CNNM1: variants seen among roughly 807,000 people sequenced by gnomAD.
CNNM1 encodes cyclin and CBS domain divalent metal cation transport mediator 1, also known as metal transporter CNNM1.
A neutral mutation model predicts 78.8 loss-of-function variants in CNNM1; 44 were observed. That is an observed-to-expected ratio of 0.56 (90% confidence interval 0.44 to 0.72). The LOEUF (loss-of-function observed/expected upper bound fraction) is 0.72. Ranked by LOEUF, CNNM1 falls within the 30% of genes least tolerant of loss-of-function variation. The probability of loss-of-function intolerance (pLI) is 0.00; values close to 1 mark genes in which losing one functional copy is unlikely to be tolerated. For synonymous variants in CNNM1, 584 were observed against 581.5 expected (o/e 1.00, Z -0.06); for missense variants, 1,101 against 1,292.2 (o/e 0.85, Z 2.27).
chr10:99,330,487 C>A lies in CNNM1; in HGVS notation c.1100C>A (p.Ala367Glu). Reference protein sequence around the residue: ...HSVCLTRLLMAAAFPVCYPLG... With the variant: ...HSVCLTRLLMEAAFPVCYPLG... ...GTGTGCCTGACCCGGCTTCTGATGG[C>A]AGCCGCCTTCCCCGTGTGCTACCCG... The change falls in exon 1 of 11, where the codon GCA becomes GAA. Residue 367 changes from alanine (A) to glutamate (E), a missense_variant. Coordinates refer to ENST00000356713, the MANE Select transcript of CNNM1 (RefSeq NM_020348.3). The A allele has an allele frequency of 6.3e-7, 1 of 1,583,668 alleles. No individual in the cohort carries two copies. The highest frequency in any genetic ancestry group is 1.8e-5 in the Admixed American group (1 of 55,016).
Position 99,387,981 on chromosome 10 carries a change from C to T in CNNM1, c.2502C>T (p.Leu834=). ...AGGATGACCCCGCCATCACGCTCCT[C>T]AACAACAGGAACAGCCTGCCGTGTA... ...TPKDDPAITL[L]NNRNSLPCSR... The change falls in exon 8 of 11, where the codon CTC becomes CTT. Residue 834 remains leucine (L), a synonymous_variant. Transcript: ENST00000356713. The T allele has an allele frequency of 6.3e-7, 1 of 1,595,682 alleles. No homozygotes were observed. The highest frequency in any genetic ancestry group is 8.5e-7 in the Non-Finnish European group (1 of 1,171,022).
chr10:99,390,345 A>T lies in CNNM1; in HGVS notation c.2714A>T (p.Glu905Val), dbSNP rs1204480588. 1 of 1,613,268 alleles carries T rather than the reference A, an allele frequency of 6.2e-7. No individual in the cohort carries two copies. The highest frequency in any genetic ancestry group is 8.5e-7 in the Non-Finnish European group (1 of 1,179,680). ...TGTTGTAACATCAACCTGGATACAG[A>T]GACCAGCCCCTGCAGTAGCGATTTT... ...SECCNINLDT[E>V]TSPCSSDFEE... The change falls in exon 10 of 11, where the codon GAG becomes GTG. Residue 905 changes from glutamate to valine, a missense_variant. Glu to Val is a moderately radical substitution (Grantham distance 121, BLOSUM62 -2). Coordinates refer to ENST00000356713, the MANE Select transcript of CNNM1 (RefSeq NM_020348.3).
intron 1 of CNNM1, among the ~76,000 whole-genome samples, chr10:99,356,253 G>A (rs2031140769): frequency 6.6e-6 from 1 of 151,942 alleles, no homozygotes; most frequent in African/African-American, 2.4e-5. Flanking sequence ...CGAGGCAGAT[G>A]GACCATGAGG....
At chr10:99,372,622 G>T (rs1294139619) in intron 6 of CNNM1, among the ~76,000 whole-genome samples, 1 of 152,170 alleles carries the variant, frequency 6.6e-6, no homozygotes, top group Non-Finnish European at 1.5e-5. Context: ...GAACTAGTTT[G>T]CCATGCTGCT....
intron 1 of CNNM1, among the ~76,000 whole-genome samples, chr10:99,356,640 A>AAAGG: frequency 6.6e-6 from 1 of 151,290 alleles, no homozygotes; most frequent in South Asian, 2.1e-4. Context: ...AGAAAGAAAG[A>AAAGG]AAGGAGGGAG....
At chr10:99,368,208 C>T in intron 6 of CNNM1, 1 of 216,246 alleles carries the variant, frequency 4.6e-6, no homozygotes, top group South Asian at 7.5e-5. Context: ...AGTACCTGTG[C>T]AGGTGCCCTT....
chr10:99,370,733 A>T (rs368483347), intron 6 of CNNM1, among the ~76,000 whole-genome samples: 49 of 152,168 alleles, frequency 3.2e-4, no homozygotes, highest in African/African-American at 9.6e-4. Context: ...GTACCTAAAA[A>T]TTTTTTTTAC....
chr10:99,337,567 C>A (rs953270491), intron 1 of CNNM1, among the ~76,000 whole-genome samples: 2 of 152,240 alleles, frequency 1.3e-5, no homozygotes, highest in Non-Finnish European at 2.9e-5. Context: ...GGAGACTTCT[C>A]CTGTAAACCC....
Position 99,394,235 on chromosome 10 carries a change from A to C in CNNM1, c.*2719A>C, listed in dbSNP as rs1375511532. On this transcript the variant is annotated 3_prime_UTR_variant, in exon 11 of 11. Coordinates refer to ENST00000356713, the MANE Select transcript of CNNM1 (RefSeq NM_020348.3). ...CACAAAGATTTTCTTCAGGTTAAAA[A>C]AAAAGTTTAAAAAAAAGATTTTAAA... 1 of 152,508 alleles carries C rather than the reference A, an allele frequency of 6.6e-6. No homozygotes were observed. The highest frequency in any genetic ancestry group is 1.5e-5 in the Non-Finnish European group (1 of 68,046). 9.4% of individuals were successfully genotyped at this position (152,508 alleles called of 1,614,324 possible).
chr10:99,373,601 T>G (rs1357480096), intron 6 of CNNM1, among the ~76,000 whole-genome samples: 1 of 152,134 alleles, frequency 6.6e-6, no homozygotes, highest in African/African-American at 2.4e-5. Flanking sequence ...GGGGTACAAG[T>G]GCATTTTTGT....
intron 7 of CNNM1, among the ~76,000 whole-genome samples, chr10:99,381,416 A>T (rs1260800518): frequency 2.6e-5 from 4 of 151,070 alleles, no homozygotes; most frequent in Admixed American, 2.6e-4. Flanking sequence ...CTTCAAAAAA[A>T]AAAAAAAAAG....
Position 99,367,257 on chromosome 10 carries a change from G to A in CNNM1, c.2176+2255G>A, listed in dbSNP as rs79588009. Among the ~76,000 whole-genome samples the A allele has an allele frequency of 5.9e-5, 9 of 152,204 alleles. No individual in the cohort carries two copies. The East Asian group carries it at 1.7e-3, about 29-fold the overall frequency. ...TCTTGTAGGGTCTTGGCCCAGCCCC[G>A]TCCCCCTATGCTTGAAGCTAGCTTA... is the stretch of plus-strand genomic sequence containing the variant. On this transcript the variant is annotated intron_variant, in intron 6 of 10. Coordinates refer to ENST00000356713, the MANE Select transcript of CNNM1 (RefSeq NM_020348.3).
At chr10:99,371,311 G>A (rs2031794816) in intron 6 of CNNM1, among the ~76,000 whole-genome samples, 1 of 152,192 alleles carries the variant, frequency 6.6e-6, no homozygotes, top group Admixed American at 6.5e-5. Flanking sequence ...CAACTTGGCA[G>A]GTGCTTTCAT....
chr10:99,329,486 T>C lies in CNNM1; in HGVS notation c.99T>C (p.Pro33=). 1 of 1,500,736 alleles carries C rather than the reference T, an allele frequency of 6.7e-7. No homozygotes were observed. Among genetic ancestry groups the C allele is most frequent in the Non-Finnish European group, 8.9e-7 (1 of 1,126,034 alleles). The allele number at this position is 1,500,736 out of a possible 1,614,324, so 93.0% of individuals were successfully genotyped here. Residue 33 remains proline, a synonymous_variant, in exon 1 of 11, where the codon CCT becomes CCC. Transcript: ENST00000356713. ...TCCTGCTCTTCTTTTCCCTGTCTCC[T>C]CGGCCCCCGGCCGCCGCCGCCTGGC... ...AVLLLFFSLS[P]RPPAAAAWLL...
intron 1 of CNNM1, 127 bp downstream of exon 1, chr10:99,331,087 C>A (rs915480843): frequency 2.2e-6 from 2 of 915,032 alleles, no homozygotes; most frequent in Admixed American, 5.3e-5. Context: ...CCAAGGAAGA[C>A]TCTACCTCTT....
At position 99,330,661 on chromosome 10, in the gene CNNM1, G is replaced by T. The variant is rs1258589342; in HGVS notation, c.1274G>T (p.Arg425Leu). The T allele has an allele frequency of 6.2e-7, 1 of 1,613,974 alleles. No individual in the cohort carries two copies. The highest frequency in any genetic ancestry group is 1.1e-5 in the South Asian group (1 of 91,082). ...ATCATACAGGGTGCCCTGGAGCTGCGCACCAAAGTTGTGGAGGAGGTGCTG... is the reference window on the plus strand; with the variant it reads ...ATCATACAGGGTGCCCTGGAGCTGCTCACCAAAGTTGTGGAGGAGGTGCTG... ...LNIIQGALEL[R>L]TKVVEEVLTP... Residue 425 changes from arginine to leucine, a missense_variant, in exon 1 of 11, where the codon CGC becomes CTC. Physicochemically the swap from Arg to Leu is moderately radical, Grantham distance 102. Transcript: ENST00000356713.
chr10:99,368,790 C>A (rs2031712045), intron 6 of CNNM1: 1 of 677,140 alleles, frequency 1.5e-6, no homozygotes, highest in African/African-American at 1.8e-5. Context: ...ACAGGCACTC[C>A]TGTGACTAAG....
rs1368334475 is a variant in CNNM1 at position 99,391,531 on chromosome 10, C to T, written c.*15C>T. The T allele has an allele frequency of 6.2e-7, 1 of 1,608,636 alleles. No homozygotes were observed. Among genetic ancestry groups the T allele is most frequent in the Admixed American group, 1.7e-5 (1 of 59,890 alleles). On this transcript the variant is annotated 3_prime_UTR_variant, in exon 11 of 11. Coordinates refer to ENST00000356713, the MANE Select transcript of CNNM1 (RefSeq NM_020348.3). ...TGATCACATGACAGGGCAAAGCCAG[C>T]ATTCACTGGGTGTGTGAAATTCCAG... is the stretch of plus-strand genomic sequence containing the variant.
At chr10:99,381,236 C>A (rs2032141984) in intron 7 of CNNM1, among the ~76,000 whole-genome samples, 1 of 150,918 alleles carries the variant, frequency 6.6e-6, no homozygotes, top group Admixed American at 6.6e-5. Flanking sequence ...CGTGGTGAAA[C>A]CCTGTCTCTA....
Sources: gnomAD v4.1 joint callset for allele counts (sites outside exome capture counted in the v4.1 genomes callset) on GRCh38, gnomAD v4.1.1 for gene constraint, MANE v1.5 for transcripts, NCBI Gene and HGNC (gene_info 2026-07-23, HGNC 2026-07-21) for gene names.